The following PHF21B variants were observed in gnomAD, a reference collection of about 807,000 sequenced individuals.
PHF21B encodes PHD finger protein 4.
PHF21B carries 22 observed loss-of-function variants against 62.2 expected under a neutral mutation model. The ratio of observed to expected loss-of-function variants is 0.35; its 90% CI spans 0.25 to 0.51. The LOEUF (loss-of-function observed/expected upper bound fraction) is 0.51. PHF21B is among the 20% of genes least tolerant of loss of function. The pLI is 0.97. For synonymous variants in PHF21B, 341 were observed against 314.7 expected (o/e 1.08, Z -0.88); for missense variants, 701 against 707.9 (o/e 0.99, Z 0.11).
rs1020094863 is a variant in PHF21B at position 44,882,857 on chromosome 22, C to A, written c.*229G>T. 1 of 531,714 alleles carries A rather than the reference C, an allele frequency of 1.9e-6. No homozygotes were observed. Among genetic ancestry groups the A allele is most frequent in the East Asian group, 3.4e-5 (1 of 29,762 alleles). The allele number at this position is 531,714 out of a possible 1,614,324, so 32.9% of individuals were successfully genotyped here. On this transcript the variant is annotated 3_prime_UTR_variant, in exon 13 of 13. Transcript: ENST00000313237. ...AGACTGTGTGCCCCAGCCTGTCGTACCCCACCTGGCTCCTAGGTACCCCCT... is the reference window on the plus strand; with the variant it reads ...AGACTGTGTGCCCCAGCCTGTCGTAACCCACCTGGCTCCTAGGTACCCCCT...
intron 2 of PHF21B, among the ~76,000 whole-genome samples, chr22:44,978,365 T>C (rs1739898738): frequency 6.6e-6 from 1 of 152,158 alleles, no homozygotes; most frequent in Non-Finnish European, 1.5e-5. Flanking sequence ...TTTGTTTGTT[T>C]TGTTTGTTTT....
chr22:45,006,651 C>T (rs970369814), intron 2 of PHF21B, among the ~76,000 whole-genome samples: 7 of 152,196 alleles, frequency 4.6e-5, no homozygotes, highest in Non-Finnish European at 1.0e-4. Context: ...TCAGAAGAGT[C>T]ATTCCAAATA....
chr22:44,957,400 G>GC (rs2072322802), intron 2 of PHF21B, among the ~76,000 whole-genome samples: 1 of 152,258 alleles, frequency 6.6e-6, no homozygotes. Flanking sequence ...GACCTGGGCT[G>GC]CCGCACAGGG....
rs5766214 is a variant in PHF21B, at chr22:44,938,157, C to A, written c.121-17667G>T. On this transcript the variant is annotated intron_variant, in intron 2 of 12. Transcript: ENST00000313237. ...TACCTCGATCTCGGCTCACTGCAACCTCCACCTCCCAGGTTCAAGCCATTC... is the reference window on the plus strand; with the variant it reads ...TACCTCGATCTCGGCTCACTGCAACATCCACCTCCCAGGTTCAAGCCATTC... Among the ~76,000 whole-genome samples, 3,631 of 152,386 alleles carry A rather than the reference C, an allele frequency of 0.024. 395 individuals carry two copies. In the East Asian group the frequency reaches 0.35, roughly 15 times the overall value.
chr22:44,990,031 G>A (rs1293866987), intron 2 of PHF21B, among the ~76,000 whole-genome samples: 2 of 152,246 alleles, frequency 1.3e-5, no homozygotes, highest in African/African-American at 4.8e-5. Context: ...CGGGCTCCGT[G>A]AATGCTGCCG....
intron 2 of PHF21B, among the ~76,000 whole-genome samples, chr22:44,928,254 C>T (rs923360628): frequency 7.2e-5 from 11 of 152,144 alleles, no homozygotes; most frequent in African/African-American, 2.4e-4. Flanking sequence ...CAACACCAGC[C>T]TCACGCCCGC....
intron 2 of PHF21B, among the ~76,000 whole-genome samples, chr22:44,984,638 T>C (rs1313112135): frequency 1.3e-5 from 2 of 152,256 alleles, no homozygotes; most frequent in Non-Finnish European, 2.9e-5. Context: ...AGAATGAAAG[T>C]GCGTGACATA....
intron 2 of PHF21B, among the ~76,000 whole-genome samples, chr22:44,943,571 C>CGCGGGCTCTAGAGTCCTGGCA (rs2072004461): frequency 1.3e-5 from 2 of 152,108 alleles, no homozygotes; most frequent in African/African-American, 4.8e-5. Flanking sequence ...CTCCAGGCCC[C>CGCGGGCTCTAGAGTCCTGGCA]GCGGGCTCTA....
chr22:44,938,508 C>A (rs1277532649), intron 2 of PHF21B, among the ~76,000 whole-genome samples: 12 of 152,260 alleles, frequency 7.9e-5, no homozygotes, highest in Non-Finnish European at 1.5e-5. Flanking sequence ...GCTGGGACTA[C>A]AGGCGTGAGC....
chr22:44,964,101 T>G (rs558065601), intron 2 of PHF21B, among the ~76,000 whole-genome samples: 1 of 152,336 alleles, frequency 6.6e-6, no homozygotes, highest in Admixed American at 6.5e-5. Context: ...AGCAAGAGCA[T>G]GTGTTTCCTG....
chr22:44,923,331 C>CAAAAAAAAAAAAAAAAAA (rs34100382), intron 2 of PHF21B, among the ~76,000 whole-genome samples: 3 of 125,108 alleles, frequency 2.4e-5, no homozygotes, highest in South Asian at 2.5e-4. Context: ...CATACCATAT[C>CAAAAAAAAAAAAAAAAAA]AAAAAAAAAA....
intron 2 of PHF21B, chr22:44,966,889 CTT>C: frequency 6.6e-6 from 1 of 152,304 alleles, no homozygotes; most frequent in East Asian, 1.9e-4. Flanking sequence ...TCTTGACAGA[CTT>C]TGCAAGGCTG....
chr22:44,891,725 G>A (rs2070969499), intron 7 of PHF21B, among the ~76,000 whole-genome samples: 1 of 152,254 alleles, frequency 6.6e-6, no homozygotes, highest in Non-Finnish European at 1.5e-5. Context: ...TGGGTCTGGA[G>A]TCAGGTGGAA....
Position 44,885,468 on chromosome 22 carries a change from C to T in PHF21B, c.1335G>A (p.Gln445=). ...GCCGCCGGTCCCGCTCCTCCAGCTG[C>T]TGGTGCTCGTTCTGCAGCTCACTGC... ...QRGSELQNEH[Q]QLEERDRRLA... is the part of the protein sequence containing the mutation. Residue 445 remains glutamine, a synonymous_variant, in exon 12 of 13, where the codon CAG becomes CAA. Transcript: ENST00000313237. 2.5e-6 allele frequency: 4 copies of T among 1,597,720 alleles called. No homozygotes were observed. The highest frequency in any genetic ancestry group is 3.4e-6 in the Non-Finnish European group (4 of 1,172,676).
At chr22:44,969,844 G>A (rs1250474317) in intron 2 of PHF21B, among the ~76,000 whole-genome samples, 2 of 152,192 alleles carry the variant, frequency 1.3e-5, no homozygotes, top group East Asian at 3.9e-4. Flanking sequence ...CCATTTTACA[G>A]ATGAGGAAAT....
chr22:44,883,083 G>A lies in PHF21B; in HGVS notation c.*3C>T. On this transcript the variant is annotated 3_prime_UTR_variant, in exon 13 of 13. Transcript: ENST00000313237. ...CGTGGGTATGAAGACTGGTCCCTCGGGGTCAGTTGTGGCCCTGGGGGTGCT... is the reference window on the plus strand; with the variant it reads ...CGTGGGTATGAAGACTGGTCCCTCGAGGTCAGTTGTGGCCCTGGGGGTGCT... 1 of 1,607,730 alleles carries A rather than the reference G, an allele frequency of 6.2e-7. No homozygotes were observed. Among genetic ancestry groups the A allele is most frequent in the Non-Finnish European group, 8.5e-7 (1 of 1,177,928 alleles).
At chr22:44,959,793 T>C (rs138043696) in intron 2 of PHF21B, among the ~76,000 whole-genome samples, 25 of 152,180 alleles carry the variant, frequency 1.6e-4, no homozygotes, top group Non-Finnish European at 2.9e-4. Flanking sequence ...TCCCAGGAGA[T>C]GAAATGGCTT....
intron 2 of PHF21B, among the ~76,000 whole-genome samples, chr22:44,973,149 C>T (rs1475200818): frequency 6.6e-6 from 1 of 152,172 alleles, no homozygotes; most frequent in African/African-American, 2.4e-5. Flanking sequence ...ATACAGAAGT[C>T]CCCGAGGGGC....
Position 44,882,806 on chromosome 22 carries a change from CA to C in PHF21B, c.*279del. The C allele has an allele frequency of 2.6e-6, 1 of 385,800 alleles. No homozygotes were observed. The highest frequency in any genetic ancestry group is 3.9e-5 in the South Asian group (1 of 25,340). The allele number at this position is 385,800 out of a possible 1,614,324, so 23.9% of individuals were successfully genotyped here. A position where few individuals can be genotyped will look rare whatever the true frequency, so the allele number is the denominator to read the frequency against. ...GAGCAGGGCCTGGAAGCCAGAGGCC[CA>C]GGCAGCCCCGAGGTGGCCGGGGGGA... On this transcript the variant is annotated 3_prime_UTR_variant, in exon 13 of 13. Coordinates refer to ENST00000313237, the MANE Select transcript of PHF21B (RefSeq NM_138415.5).
Sources: allele counts gnomAD v4.1 joint callset (sites outside exome capture counted in the v4.1 genomes callset), GRCh38; gene constraint gnomAD v4.1.1; transcripts MANE v1.5; gene names NCBI Gene and HGNC (gene_info 2026-07-23, HGNC 2026-07-21).